The following ZYG11B variants were observed in gnomAD, a reference collection of about 807,000 sequenced individuals.
ZYG11B encodes zyg-11 family member B, cell cycle regulator.
Under a neutral mutation model 82.4 loss-of-function variants are expected in ZYG11B, and 36 were observed. That is an observed-to-expected ratio of 0.44 (90% CI 0.33 to 0.58). The LOEUF (loss-of-function observed/expected upper bound fraction) is 0.58. ZYG11B is among the 20% of genes least tolerant of loss of function. ZYG11B has a pLI of 0.02. For missense variants in ZYG11B, 552 were observed against 895.6 expected, an observed-to-expected ratio of 0.62 and a Z score of 4.90; for synonymous variants, 303 against 312.8, an observed-to-expected ratio of 0.97 and a Z score of 0.33.
intron 12 of ZYG11B, among the ~76,000 whole-genome samples, chr1:52,816,309 C>T (rs1645223221): frequency 2.0e-5 from 3 of 152,126 alleles, no homozygotes; most frequent in African/African-American, 7.2e-5. Flanking sequence ...TTTTCTCTTT[C>T]ACTACCATGT....
chr1:52,772,493 T>A (rs1571766865), intron 3 of ZYG11B: 1 of 1,600,022 alleles, frequency 6.2e-7, no homozygotes, highest in Non-Finnish European at 8.6e-7. Context: ...CTCTCACGAT[T>A]ACACCGATCT....
At chr1:52,783,898 G>GTGTGTATATACGTCTATACATATA (rs1644886123) in intron 4 of ZYG11B, among the ~76,000 whole-genome samples, 2 of 98,704 alleles carry the variant, frequency 2.0e-5, no homozygotes, top group Admixed American at 9.3e-5. Context: ...ACATACACGT[G>GTGTGTATATACGTCTATACATATA]TGTGTATATA....
intron 4 of ZYG11B, 48 bp downstream of exon 4, chr1:52,780,041 G>A: frequency 6.5e-7 from 1 of 1,546,656 alleles, no homozygotes; most frequent in Non-Finnish European, 8.7e-7. Flanking sequence ...ATCTCCCTGG[G>A]CAGATGATTT....
At chr1:52,770,850 C>T (rs1471284147) in intron 2 of ZYG11B, among the ~76,000 whole-genome samples, 170 bp from the exon 3 acceptor site, 2 of 152,198 alleles carry the variant, frequency 1.3e-5, no homozygotes, top group African/African-American at 2.4e-5. Flanking sequence ...CTCTGAGCCC[C>T]AGTTTACTCA....
At chr1:52,779,334 C>T (rs1445372576) in intron 3 of ZYG11B, among the ~76,000 whole-genome samples, 1 of 152,068 alleles carries the variant, frequency 6.6e-6, no homozygotes, top group Admixed American at 6.6e-5. Context: ...AAATTTCGCC[C>T]ATGGTCTTAT....
chr1:52,752,285 T>C (rs74924491), intron 1 of ZYG11B, among the ~76,000 whole-genome samples: 7,282 of 152,184 alleles, frequency 0.048, 478 homozygotes, highest in East Asian at 0.35. Flanking sequence ...AGGATACAAA[T>C]GAACAGCCAG....
chr1:52,783,893 C>CATGTGGGTGTGTATGTACATAT (rs74193327), intron 4 of ZYG11B, among the ~76,000 whole-genome samples: 1 of 81,940 alleles, frequency 1.2e-5, no homozygotes, highest in African/African-American at 4.2e-5. Flanking sequence ...TATGTACATA[C>CATGTGGGTGTGTATGTACATAT]ACGTGTGTGT....
rs530829460 is a variant in ZYG11B at position 52,809,769 on chromosome 1, G to A, written c.1696-3767G>A. Among the ~76,000 whole-genome samples the A allele has an allele frequency of 1.3e-3, 203 of 152,154 alleles. 1 individual carries two copies. The highest frequency in any genetic ancestry group is 3.4e-3 in the Middle Eastern group (1 of 294). Reference sequence around the variant, plus strand: ...TTGCATTTCTCTGATGATAAGTGGTGTTGAGTATATTTGTATGGGTTTATT... The same window carrying A: ...TTGCATTTCTCTGATGATAAGTGGTATTGAGTATATTTGTATGGGTTTATT... On this transcript the variant is annotated intron_variant, in intron 10 of 13. Transcript: ENST00000294353.
In ZYG11B at chr1:52,756,598, A is replaced by G; in HGVS notation, c.171A>G (p.Arg57=). 1 of 1,610,262 alleles carries G rather than the reference A, an allele frequency of 6.2e-7. No homozygotes were observed. Among genetic ancestry groups the G allele is most frequent in the Non-Finnish European group, 8.5e-7 (1 of 1,178,572 alleles). The change falls in exon 2 of 14, where the codon CGA becomes CGG. Residue 57 remains arginine (R), a synonymous_variant. Coordinates refer to ENST00000294353, the MANE Select transcript of ZYG11B (RefSeq NM_024646.3). ...PGVFPQEVAD[R]LLRTMAFHGL... is the part of the protein sequence containing the mutation. ...TATTCCCACAGGAGGTGGCTGATCGACTGCTTCGGACCATGGCTTTTCATG... is the reference window on the plus strand; with the variant it reads ...TATTCCCACAGGAGGTGGCTGATCGGCTGCTTCGGACCATGGCTTTTCATG...
intron 1 of ZYG11B, among the ~76,000 whole-genome samples, chr1:52,745,773 AG>A (rs1644470953): frequency 6.6e-6 from 1 of 151,902 alleles, no homozygotes; most frequent in Non-Finnish European, 1.5e-5. Context: ...CATGTTGGCC[AG>A]GCTGGTCTTG....
At chr1:52,785,087 T>C in intron 5 of ZYG11B, 34 bp downstream of exon 5, 1 of 1,599,236 alleles carries the variant, frequency 6.3e-7, no homozygotes, top group African/African-American at 1.3e-5. Flanking sequence ...CAAATAGTCC[T>C]TGTAGTGTCT....
intron 3 of ZYG11B, chr1:52,772,771 G>A (rs988814957): frequency 3.4e-5 from 20 of 581,754 alleles, no homozygotes; most frequent in South Asian, 9.8e-5. Context: ...TCTGCCTCCC[G>A]GGTTCACGCC....
At chr1:52,809,375 C>T (rs1361923194) in intron 10 of ZYG11B, among the ~76,000 whole-genome samples, 1 of 152,130 alleles carries the variant, frequency 6.6e-6, no homozygotes, top group African/African-American at 2.4e-5. Flanking sequence ...TATTTTCTGT[C>T]TCTATGATTT....
At chr1:52,756,974 C>T (rs565569045) in intron 2 of ZYG11B, among the ~76,000 whole-genome samples, 1 of 151,628 alleles carries the variant, frequency 6.6e-6, no homozygotes, top group Admixed American at 6.6e-5. Flanking sequence ...TGTGCCACCA[C>T]ATCTGGCTAA....
At position 52,739,004 on chromosome 1, in the gene ZYG11B, CAG is replaced by C. The variant is rs1317998536; in HGVS notation, c.30+12324_30+12325del. 3.4e-4 allele frequency among the ~76,000 whole-genome samples: 9 copies of C among 26,704 alleles called. No homozygotes were observed. In the African/African-American group the frequency reaches 5.1e-3, roughly 15 times the overall value. The allele number at this position is 26,704 out of a possible 152,430, so 17.5% of individuals were successfully genotyped here. ...TGTAACCTTTTTTTTTTTTTGGAGA[CAG>C]AGTCTCACTGTATCACCCAGGCTGG... On this transcript the variant is annotated intron_variant, in intron 1 of 13. Transcript: ENST00000294353.
At chr1:52,742,616 G>A (rs569698783) in intron 1 of ZYG11B, among the ~76,000 whole-genome samples, 1 of 152,274 alleles carries the variant, frequency 6.6e-6, no homozygotes, top group East Asian at 1.9e-4. Flanking sequence ...GCGGAGGCGG[G>A]CGGATCACGA....
At chr1:52,810,344 C>A (rs994636338) in intron 10 of ZYG11B, among the ~76,000 whole-genome samples, 3 of 152,136 alleles carry the variant, frequency 2.0e-5, no homozygotes, top group Non-Finnish European at 4.4e-5. Context: ...TCCTTGTGTT[C>A]ATTTTATTAT....
chr1:52,797,464 T>TA (rs375063426), intron 8 of ZYG11B, among the ~76,000 whole-genome samples: 8 of 54,520 alleles, frequency 1.5e-4, no homozygotes, highest in Admixed American at 7.4e-4. Flanking sequence ...ATATATGATA[T>TA]ATATATTATA....
At position 52,803,105 on chromosome 1, in the gene ZYG11B, T is replaced by TACAC. The variant is rs1167092779; in HGVS notation, c.1695+967_1695+968insCACA. On this transcript the variant is annotated intron_variant, in intron 10 of 13. Coordinates refer to ENST00000294353, the MANE Select transcript of ZYG11B (RefSeq NM_024646.3). Reference sequence around the variant, plus strand: ...ATATACACATATATATATACATATATATATATATATATACACACATATATA... The same window carrying TACAC: ...ATATACACATATATATATACATATATACACATATATATATATACACACATATATA... Among the ~76,000 whole-genome samples the TACAC allele has an allele frequency of 8.8e-4, 79 of 90,068 alleles. 15 individuals carry two copies. Among genetic ancestry groups the TACAC allele is most frequent in the Middle Eastern group, 5.2e-3 (1 of 192 alleles). The allele number at this position is 90,068 out of a possible 152,430, so 59.1% of individuals were successfully genotyped here. A position where few individuals can be genotyped will look rare whatever the true frequency, so the allele number is the denominator to read the frequency against.
Sources: allele counts gnomAD v4.1 joint callset (sites outside exome capture counted in the v4.1 genomes callset), GRCh38; gene constraint gnomAD v4.1.1; transcripts MANE v1.5; gene names NCBI Gene and HGNC (gene_info 2026-07-23, HGNC 2026-07-21).